The following CHD2 variants were observed in gnomAD, a reference collection of about 807,000 sequenced individuals.
The protein encoded by CHD2 is ATP-dependent chromatin remodeler CHD2.
In CHD2, 28 loss-of-function variants were observed where a neutral mutation model predicts 243.9. That is an observed-to-expected ratio of 0.11 (90% CI 0.09 to 0.16). The LOEUF (loss-of-function observed/expected upper bound fraction) is 0.16, where lower values mean the gene tolerates loss of function less well. Ranked by LOEUF, CHD2 falls within the 10% of genes least tolerant of loss-of-function variation. The pLI is 1.00. For missense variants in CHD2, 1,386 were observed against 2,209.8 expected, an observed-to-expected ratio of 0.63 and a Z score of 7.47; for synonymous variants, 775 against 779.0, an observed-to-expected ratio of 0.99 and a Z score of 0.09.
chr15:93,016,645 G>A (rs2141890629), intron 37 of CHD2, among the ~76,000 whole-genome samples: 1 of 152,184 alleles, frequency 6.6e-6, no homozygotes, highest in Middle Eastern at 3.4e-3. Flanking sequence ...AAATTAGCTA[G>A]GCGTAGTGGC....
In CHD2 at chr15:92,998,643, T is replaced by G; in HGVS notation, c.4008+22T>G. On this transcript the variant is annotated intron_variant, in intron 31 of 38. Coordinates refer to ENST00000394196, the MANE Select transcript of CHD2 (RefSeq NM_001271.4). The surrounding 1 kb of genome is among the most constrained non-coding windows in gnomAD (Gnocchi z 5.1). ...AGAGGTGAGTACGCTGCCAGCTGGT[T>G]GTTTTTCAGGGGCCTGAGGCTCCTA... 3 of 1,608,102 alleles carry G rather than the reference T, an allele frequency of 1.9e-6. No homozygotes were observed. The highest frequency in any genetic ancestry group is 2.5e-6 in the Non-Finnish European group (3 of 1,176,764).
intron 28 of CHD2, among the ~76,000 whole-genome samples, chr15:92,995,186 A>T (rs2054171597): frequency 6.6e-6 from 1 of 152,222 alleles, no homozygotes; most frequent in African/African-American, 2.4e-5. Flanking sequence ...TGTTTAAATT[A>T]TTCAAAGTTA....
At chr15:92,926,934 A>C (rs1470879524) in intron 3 of CHD2, among the ~76,000 whole-genome samples, 1 of 152,136 alleles carries the variant, frequency 6.6e-6, no homozygotes, top group Non-Finnish European at 1.5e-5. Flanking sequence ...ATCAGTAAAT[A>C]CTTTGTCTTT....
chr15:92,987,146 T>C (rs938678666), intron 26 of CHD2, among the ~76,000 whole-genome samples: 6 of 152,220 alleles, frequency 3.9e-5, no homozygotes, highest in African/African-American at 1.4e-4. Flanking sequence ...TGGACTCTTA[T>C]TAATTGTATA....
intron 25 of CHD2, 52 bp from the exon 26 acceptor site, chr15:92,985,446 C>G: frequency 6.5e-7 from 1 of 1,534,382 alleles, no homozygotes; most frequent in East Asian, 2.3e-5. Context: ...AGTCCTTTCA[C>G]CACTTGAACT....
chr15:92,930,675 T>A (rs1026242769), intron 5 of CHD2, among the ~76,000 whole-genome samples: 10 of 152,146 alleles, frequency 6.6e-5, no homozygotes, highest in African/African-American at 2.2e-4. Flanking sequence ...CAAGCAGTCC[T>A]CCAGCCTCGG....
intron 2 of CHD2, among the ~76,000 whole-genome samples, chr15:92,909,939 CGTGTGTGTGTGTGTGTGT>C (rs57621949): frequency 6.7e-5 from 10 of 149,226 alleles, no homozygotes; most frequent in Middle Eastern, 3.6e-3. Flanking sequence ...AAGGGTTTTA[CGTGTGTGTGTGTGTGTGT>C]GTGTGTGTGT....
intron 12 of CHD2, 78 bp from the exon 13 acceptor site, chr15:92,948,874 G>A (rs573551064): frequency 3.7e-5 from 55 of 1,469,526 alleles, no homozygotes; most frequent in Non-Finnish European, 4.6e-5. Context: ...CTTTGATGCC[G>A]AATATGTGAA....
At chr15:92,910,206 C>T (rs2052706205) in intron 2 of CHD2, among the ~76,000 whole-genome samples, 1 of 151,972 alleles carries the variant, frequency 6.6e-6, no homozygotes, top group African/African-American at 2.4e-5. Context: ...GGGGGTTTCG[C>T]CACGTTTCCC....
chr15:92,931,881 T>TTTG (rs2053173958), intron 5 of CHD2, among the ~76,000 whole-genome samples: 1 of 151,122 alleles, frequency 6.6e-6, no homozygotes, highest in African/African-American at 2.4e-5. Context: ...TTTTTTTTTT[T>TTTG]GAGACGCAGT....
rs528678170 is a variant in CHD2 at position 92,975,737 on chromosome 15, G to A, written c.2577+787G>A. Among the ~76,000 whole-genome samples, 3 of 151,890 alleles carry A rather than the reference G, an allele frequency of 2.0e-5. No individual in the cohort carries two copies. The South Asian group carries it at 6.3e-4, about 32-fold the overall frequency. ...AGCTTTAAAAACTCTTGATGCCTGT[G>A]CCTGTTACTACAGAATGCTCTGCTG... On this transcript the variant is annotated intron_variant, in intron 20 of 38. Coordinates refer to ENST00000394196, the MANE Select transcript of CHD2 (RefSeq NM_001271.4).
intron 16 of CHD2, 44 bp downstream of exon 16, chr15:92,956,693 A>C: frequency 6.5e-7 from 1 of 1,543,082 alleles, no homozygotes. Context: ...AGAATGTCTG[A>C]AATGCCAATG....
chr15:92,975,063 C>A, intron 20 of CHD2, 113 bp downstream of exon 20: 2 of 810,156 alleles, frequency 2.5e-6, no homozygotes, highest in Non-Finnish European at 3.9e-6. Context: ...AATTCTTTTG[C>A]CTTGAGAAGA....
At chr15:92,919,615 TCTC>T (rs1207458383) in intron 2 of CHD2, among the ~76,000 whole-genome samples, 1 of 152,092 alleles carries the variant, frequency 6.6e-6, no homozygotes, top group Non-Finnish European at 1.5e-5. Flanking sequence ...TGGTCTCCCA[TCTC>T]CTGACCTCAT....
At chr15:92,993,028 G>T (rs374660316) in intron 28 of CHD2, 30 bp downstream of exon 28, 5 of 1,610,606 alleles carry the variant, frequency 3.1e-6, no homozygotes, top group Non-Finnish European at 4.2e-6. Context: ...GTGAGTCTTC[G>T]CAACCTGGCA....
chr15:92,958,681 A>G (rs1428664672), intron 16 of CHD2, among the ~76,000 whole-genome samples: 1 of 152,238 alleles, frequency 6.6e-6, no homozygotes, highest in African/African-American at 2.4e-5. Flanking sequence ...TTGATGTAAA[A>G]TGTTTTGACT....
At chr15:92,930,412 G>C (rs540333260) in intron 5 of CHD2, among the ~76,000 whole-genome samples, 93 of 152,142 alleles carry the variant, frequency 6.1e-4, no homozygotes, top group Non-Finnish European at 1.1e-3. Flanking sequence ...CTGGTTACTG[G>C]CTCATAGTCT....
At chr15:92,921,776 C>T (rs548695146) in intron 2 of CHD2, among the ~76,000 whole-genome samples, 170 of 152,226 alleles carry the variant, frequency 1.1e-3, no homozygotes, top group African/African-American at 3.9e-3. Flanking sequence ...TCTTATGACA[C>T]TACTGGTAGA....
chr15:92,979,375 C>A, intron 22 of CHD2, 92 bp downstream of exon 22: 2 of 1,443,104 alleles, frequency 1.4e-6, no homozygotes, highest in Non-Finnish European at 1.9e-6. Context: ...AGACATTAGT[C>A]TGTTCATTAC....
Sources: gnomAD v4.1 joint callset for allele counts (sites outside exome capture counted in the v4.1 genomes callset) on GRCh38, gnomAD v4.1.1 for gene constraint, Gnocchi (gnomAD v3.1) non-coding constraint, MANE v1.5 for transcripts, NCBI Gene and HGNC (gene_info 2026-07-23, HGNC 2026-07-21) for gene names.